CCDC60: variants seen among roughly 807,000 people sequenced by gnomAD.
The protein encoded by CCDC60 is coiled-coil domain containing 60.
In CCDC60, 54 loss-of-function variants were observed where a neutral mutation model predicts 63.5. The observed-to-expected ratio is 0.85, with a 90% CI of 0.68 to 1.07. The LOEUF (loss-of-function observed/expected upper bound fraction) is 1.07. Ranked by LOEUF, CCDC60 falls within the 50% of genes least tolerant of loss-of-function variation. The probability of loss-of-function intolerance (pLI) is 0.00; values close to 1 mark genes in which losing one functional copy is unlikely to be tolerated. For missense variants in CCDC60, 651 were observed against 684.3 expected, an observed-to-expected ratio of 0.95 and a Z score of 0.54; for synonymous variants, 206 against 238.8, an observed-to-expected ratio of 0.86 and a Z score of 1.27.
intron 2 of CCDC60, among the ~76,000 whole-genome samples, chr12:119,447,038 A>T (rs1339573977): frequency 6.6e-6 from 1 of 152,146 alleles, no homozygotes; most frequent in Non-Finnish European, 1.5e-5. Context: ...AATCCTGGGG[A>T]TCAGGCAGTT....
chr12:119,514,727 T>A (rs575254374), intron 7 of CCDC60, among the ~76,000 whole-genome samples: 1 of 152,290 alleles, frequency 6.6e-6, no homozygotes, highest in South Asian at 2.1e-4. Flanking sequence ...TTAGTAAATT[T>A]ACTGCAGCCT....
intron 1 of CCDC60, among the ~76,000 whole-genome samples, chr12:119,371,190 C>G (rs1438127105): frequency 1.3e-5 from 2 of 152,136 alleles, no homozygotes; most frequent in Non-Finnish European, 2.9e-5. Flanking sequence ...GGACTTGATT[C>G]CTTCTATAGG....
intron 1 of CCDC60, among the ~76,000 whole-genome samples, chr12:119,339,280 G>A (rs1413412641): frequency 2.0e-5 from 3 of 152,140 alleles, no homozygotes; most frequent in Non-Finnish European, 2.9e-5. Flanking sequence ...CCCCCTTTAT[G>A]TTCTAGAATG....
intron 2 of CCDC60, among the ~76,000 whole-genome samples, chr12:119,450,169 T>C (rs753164652): frequency 1.6e-4 from 23 of 147,320 alleles, no homozygotes; most frequent in Non-Finnish European, 2.8e-4. Context: ...AAACAGAAAG[T>C]GAATTATTGC....
chr12:119,356,895 AC>A (rs1296043562), intron 1 of CCDC60, among the ~76,000 whole-genome samples: 2 of 152,242 alleles, frequency 1.3e-5, no homozygotes, highest in African/African-American at 4.8e-5. Context: ...GCTTTAAAAA[AC>A]AATTTTATTA....
chr12:119,350,361 C>A (rs1955644021), intron 1 of CCDC60, among the ~76,000 whole-genome samples: 1 of 152,000 alleles, frequency 6.6e-6, no homozygotes, highest in South Asian at 2.1e-4. Flanking sequence ...CAACACCCAG[C>A]TAATTTTTTT....
At chr12:119,424,612 T>A (rs1357266531) in intron 1 of CCDC60, among the ~76,000 whole-genome samples, 1 of 152,248 alleles carries the variant, frequency 6.6e-6, no homozygotes, top group Non-Finnish European at 1.5e-5. Context: ...GATTTTTGAA[T>A]GTTTTATAAA....
chr12:119,439,555 CAG>C (rs1403707274), intron 2 of CCDC60, among the ~76,000 whole-genome samples: 1 of 152,142 alleles, frequency 6.6e-6, no homozygotes, highest in African/African-American at 2.4e-5. Context: ...AAGTCATGAA[CAG>C]AGAGAGCCAA....
At chr12:119,341,780 A>G (rs886742954) in intron 1 of CCDC60, among the ~76,000 whole-genome samples, 2 of 152,184 alleles carry the variant, frequency 1.3e-5, no homozygotes, top group Admixed American at 6.5e-5. Flanking sequence ...GCCTCAGCTT[A>G]AGGGTAGAAG....
At chr12:119,501,193 C>T (rs938361195) in intron 6 of CCDC60, among the ~76,000 whole-genome samples, 7 of 152,182 alleles carry the variant, frequency 4.6e-5, no homozygotes, top group Non-Finnish European at 8.8e-5. Context: ...AAGGCAAACA[C>T]ACTTTGAAAA....
At chr12:119,363,254 T>G (rs1420558497) in intron 1 of CCDC60, among the ~76,000 whole-genome samples, 1 of 152,352 alleles carries the variant, frequency 6.6e-6, no homozygotes, top group African/African-American at 2.4e-5. Flanking sequence ...CATCGTGCTT[T>G]TAACCTGAAT....
At chr12:119,499,715 G>C (rs1951802065) in intron 5 of CCDC60, among the ~76,000 whole-genome samples, 1 of 152,090 alleles carries the variant, frequency 6.6e-6, no homozygotes, top group Non-Finnish European at 1.5e-5. Context: ...TTGGGCAACA[G>C]AAAAAGCAAA....
chr12:119,434,278 C>T (rs1593082094), intron 2 of CCDC60, among the ~76,000 whole-genome samples: 1 of 150,742 alleles, frequency 6.6e-6, no homozygotes, highest in South Asian at 2.1e-4. Context: ...AGAAGCTATT[C>T]TTTTTTTTTG....
chr12:119,337,511 C>T (rs560111982), intron 1 of CCDC60, among the ~76,000 whole-genome samples: 6 of 152,268 alleles, frequency 3.9e-5, no homozygotes, highest in East Asian at 1.9e-4. Context: ...AGTTAACGTA[C>T]GCCAAAAGCT....
Position 119,411,029 on chromosome 12 carries a change from G to A in CCDC60, c.91-17654G>A, listed in dbSNP as rs1437222663. On this transcript the variant is annotated intron_variant, in intron 1 of 13. Coordinates refer to ENST00000327554, the MANE Select transcript of CCDC60 (RefSeq NM_178499.5). ...ATTACTGGCATGAGCCACTGCGCCC[G>A]GCCACATTTATTTTTTTAACCGAAG... is the stretch of plus-strand genomic sequence containing the variant. 3.3e-5 allele frequency among the ~76,000 whole-genome samples: 5 copies of A among 152,144 alleles called. No individual in the cohort carries two copies. In the South Asian group the frequency reaches 6.2e-4, roughly 19 times the overall value.
chr12:119,478,377 A>G (rs1310522921), intron 3 of CCDC60, among the ~76,000 whole-genome samples: 1 of 151,614 alleles, frequency 6.6e-6, no homozygotes, highest in African/African-American at 2.4e-5. Flanking sequence ...CCCAAAAAAA[A>G]TCCTATTTTC....
At chr12:119,386,994 A>ACT (rs141844953) in intron 1 of CCDC60, among the ~76,000 whole-genome samples, 3 of 75,910 alleles carry the variant, frequency 4.0e-5, no homozygotes, top group Non-Finnish European at 5.4e-5. Flanking sequence ...TTCCCCCTCA[A>ACT]CTCTCTCTCT....
chr12:119,462,417 T>A (rs1393060038), intron 2 of CCDC60, among the ~76,000 whole-genome samples: 2 of 152,212 alleles, frequency 1.3e-5, no homozygotes, highest in Non-Finnish European at 2.9e-5. Flanking sequence ...GCCAAATTTA[T>A]GCACCAGATT....
At chr12:119,508,216 C>T (rs1308763592) in intron 7 of CCDC60, among the ~76,000 whole-genome samples, 1 of 151,776 alleles carries the variant, frequency 6.6e-6, no homozygotes, top group Non-Finnish European at 1.5e-5. Flanking sequence ...GGCATGGTAG[C>T]TCACGCCTGT....
Sources: gnomAD v4.1 joint callset for allele counts (sites outside exome capture counted in the v4.1 genomes callset) on GRCh38, gnomAD v4.1.1 for gene constraint, MANE v1.5 for transcripts, NCBI Gene and HGNC (gene_info 2026-07-23, HGNC 2026-07-21) for gene names.